ADGRB3: variants seen among roughly 807,000 people sequenced by gnomAD.
The protein encoded by ADGRB3 is brain-specific angiogenesis inhibitor 3.
Under a neutral mutation model 193.4 loss-of-function variants are expected in ADGRB3, and 37 were observed. The observed-to-expected ratio is 0.19, with a 90% CI of 0.15 to 0.25. The LOEUF is 0.25. ADGRB3 is among the 10% of genes least tolerant of loss of function. The probability of loss-of-function intolerance (pLI) is 1.00; values close to 1 mark genes in which losing one functional copy is unlikely to be tolerated. For missense variants in ADGRB3, 1,637 were observed against 1,852.9 expected, an observed-to-expected ratio of 0.88 and a Z score of 2.14; for synonymous variants, 690 against 644.2, an observed-to-expected ratio of 1.07 and a Z score of -1.08.
chr6:69,338,512 A>G (rs1768900559), intron 24 of ADGRB3, among the ~76,000 whole-genome samples: 1 of 152,208 alleles, frequency 6.6e-6, no homozygotes, highest in South Asian at 2.1e-4. Flanking sequence ...GTTTTCACAG[A>G]TATATATGCC....
chr6:69,001,643 A>G (rs542472386), intron 11 of ADGRB3, among the ~76,000 whole-genome samples: 13 of 152,320 alleles, frequency 8.5e-5, no homozygotes, highest in Admixed American at 2.0e-4. Flanking sequence ...AAGGCCCTTG[A>G]AACAGTTTAG....
At chr6:69,227,030 A>C (rs138803087) in intron 17 of ADGRB3, among the ~76,000 whole-genome samples, 134 of 152,330 alleles carry the variant, frequency 8.8e-4, no homozygotes, top group Non-Finnish European at 1.6e-3. Context: ...GAAGTGTTAA[A>C]TATAATTTGT....
Position 68,688,417 on chromosome 6 carries a change from A to C in ADGRB3, c.757+48985A>C, listed in dbSNP as rs74847796. On this transcript the variant is annotated intron_variant, in intron 3 of 31. Coordinates refer to ENST00000370598, the MANE Select transcript of ADGRB3 (RefSeq NM_001704.3). ...AGATATTATAATTTCCCCTCCACCAACCTAAACTTAGTTGAGTTGAATACT... is the reference window on the plus strand; with the variant it reads ...AGATATTATAATTTCCCCTCCACCACCCTAAACTTAGTTGAGTTGAATACT... Among the ~76,000 whole-genome samples the C allele has an allele frequency of 3.2e-3, 482 of 152,196 alleles. 4 individuals carry two copies. Among genetic ancestry groups the C allele is most frequent in the African/African-American group, 0.011 (471 of 41,528 alleles).
At chr6:69,269,443 T>C (rs1203048009) in intron 20 of ADGRB3, among the ~76,000 whole-genome samples, 1 of 152,216 alleles carries the variant, frequency 6.6e-6, no homozygotes, top group Non-Finnish European at 1.5e-5. Flanking sequence ...TATGTTTATT[T>C]TAATAAAGTG....
intron 17 of ADGRB3, among the ~76,000 whole-genome samples, chr6:69,198,371 A>G (rs987840645): frequency 2.6e-5 from 4 of 152,100 alleles, no homozygotes; most frequent in African/African-American, 7.2e-5. Context: ...ATTTTATATT[A>G]TAGTGTAGAA....
intron 17 of ADGRB3, among the ~76,000 whole-genome samples, chr6:69,225,268 C>T (rs1036721746): frequency 6.6e-6 from 1 of 152,152 alleles, no homozygotes; most frequent in Non-Finnish European, 1.5e-5. Context: ...GGCTCAATGG[C>T]CTCCTCCATG....
intron 3 of ADGRB3, among the ~76,000 whole-genome samples, chr6:68,727,205 T>A (rs1765689333): frequency 6.6e-6 from 1 of 151,588 alleles, no homozygotes; most frequent in Non-Finnish European, 1.5e-5. Flanking sequence ...AAGTATTGAT[T>A]TATTCTGTTG....
intron 17 of ADGRB3, among the ~76,000 whole-genome samples, chr6:69,113,784 A>G (rs1417371715): frequency 6.6e-6 from 1 of 152,132 alleles, no homozygotes; most frequent in African/African-American, 2.4e-5. Flanking sequence ...TTTTATTTTT[A>G]TGACTTCTCT....
chr6:69,383,450 A>C (rs1459226561), intron 31 of ADGRB3, among the ~76,000 whole-genome samples: 1 of 151,976 alleles, frequency 6.6e-6, no homozygotes, highest in African/African-American at 2.4e-5. Context: ...CTTCTCATTC[A>C]TTTACATTAT....
rs1340579042 is a variant in ADGRB3, at chr6:69,280,333, G to C, written c.2814+41107G>C. On this transcript the variant is annotated intron_variant, in intron 20 of 31. Coordinates refer to ENST00000370598, the MANE Select transcript of ADGRB3 (RefSeq NM_001704.3). ...CCATTTGTCACCCCCAACCTATTGT[G>C]GAACCTGTCTCACTGCCCTACATAT... is the stretch of plus-strand genomic sequence containing the variant. Among the ~76,000 whole-genome samples the C allele has an allele frequency of 2.0e-5, 3 of 152,180 alleles. No individual in the cohort carries two copies. In the South Asian group the frequency reaches 6.2e-4, roughly 32 times the overall value.
At chr6:69,092,885 T>G (rs112691201) in intron 17 of ADGRB3, among the ~76,000 whole-genome samples, 26 of 152,126 alleles carry the variant, frequency 1.7e-4, no homozygotes, top group African/African-American at 6.0e-4. Flanking sequence ...GAAGGTGGTG[T>G]TAGAGCACTT....
At chr6:68,661,489 A>G (rs1315735660) in intron 3 of ADGRB3, among the ~76,000 whole-genome samples, 2 of 127,152 alleles carry the variant, frequency 1.6e-5, no homozygotes, top group African/African-American at 2.9e-5. Flanking sequence ...ATACATATAT[A>G]TATGTGTGTA....
chr6:69,330,704 A>T (rs923240397), intron 23 of ADGRB3, 132 bp downstream of exon 23: 1 of 539,466 alleles, frequency 1.9e-6, no homozygotes, highest in Non-Finnish European at 3.1e-6. Flanking sequence ...CTATTATTCT[A>T]ATTGAATATA....
Position 69,354,248 on chromosome 6 carries a change from A to G in ADGRB3, c.3475A>G (p.Arg1159Gly), listed in dbSNP as rs1015988304. Residue 1159 changes from arginine (R) to glycine (G), a missense_variant, in exon 27 of 32, where the codon AGA (arginine) becomes GGA (glycine). Around this residue, in one of 7 missense-constraint regions of ADGRB3, gnomAD observed 116 missense variants for 168.1 expected, o/e 0.69. Coordinates refer to ENST00000370598, the MANE Select transcript of ADGRB3 (RefSeq NM_001704.3). ...CTCCCCACAGGTTCAGGATGCATTT[A>G]GATGCCGATTGAGAAACTGTCAGGA... The part of the protein sequence containing the change: ...ILRREVQDAF[R>G]CRLRNCQDPI... 2 of 1,613,786 alleles carry G rather than the reference A, an allele frequency of 1.2e-6. No homozygotes were observed. The highest frequency in any genetic ancestry group is 1.7e-6 in the Non-Finnish European group (2 of 1,179,820).
chr6:68,779,457 A>T (rs1231967117), intron 3 of ADGRB3, among the ~76,000 whole-genome samples: 1 of 151,974 alleles, frequency 6.6e-6, no homozygotes, highest in African/African-American at 2.4e-5. Context: ...AAGCCCTGTT[A>T]CAGACAGAGA....
chr6:69,233,136 T>C, intron 17 of ADGRB3, 154 bp from the exon 18 acceptor site: 1 of 1,123,488 alleles, frequency 8.9e-7, no homozygotes, highest in Non-Finnish European at 1.3e-6. Context: ...GAGATGCATC[T>C]AAATTACATC....
At chr6:69,219,158 A>G (rs946805160) in intron 17 of ADGRB3, among the ~76,000 whole-genome samples, 1 of 151,888 alleles carries the variant, frequency 6.6e-6, no homozygotes, top group East Asian at 1.9e-4. Context: ...TAGTAAAGTA[A>G]ATTTTATGTG....
At chr6:69,383,724 A>G (rs1354593395) in intron 31 of ADGRB3, among the ~76,000 whole-genome samples, 1 of 152,026 alleles carries the variant, frequency 6.6e-6, no homozygotes, top group Non-Finnish European at 1.5e-5. Context: ...ATCTTCCGTC[A>G]TTACAACACT....
At chr6:68,716,038 C>T (rs1309136851) in intron 3 of ADGRB3, among the ~76,000 whole-genome samples, 1 of 151,520 alleles carries the variant, frequency 6.6e-6, no homozygotes, top group Non-Finnish European at 1.5e-5. Flanking sequence ...TCAAGACTGG[C>T]ATTATATAGA....
Sources: allele counts gnomAD v4.1 joint callset (sites outside exome capture counted in the v4.1 genomes callset), GRCh38; gene constraint gnomAD v4.1.1; regional missense constraint gnomAD v4.1.1; transcripts MANE v1.5; gene names NCBI Gene and HGNC (gene_info 2026-07-23, HGNC 2026-07-21).